LAMA5: variants seen among roughly 807,000 people sequenced by gnomAD.
LAMA5 encodes laminin subunit alpha 5, also known as laminin subunit alpha-5.
In LAMA5, 260 loss-of-function variants were observed where a neutral mutation model predicts 433.4. The observed-to-expected ratio is 0.60, with a 90% CI of 0.54 to 0.66. The LOEUF (loss-of-function observed/expected upper bound fraction) is 0.66. Among genes scored for constraint, LAMA5 ranks in the 30% least tolerant of loss-of-function variants. The pLI is 0.00. For missense variants in LAMA5, 5,378 were observed against 5,258.5 expected (o/e 1.02, Z -0.70); for synonymous variants, 2,620 against 2,226.6 (o/e 1.18, Z -4.97).
chr20:62,346,359 G>A, intron 9 of LAMA5, 144 bp from the exon 10 acceptor site: 1 of 1,366,502 alleles, frequency 7.3e-7, no homozygotes, highest in South Asian at 1.4e-5. Context: ...TGAGGGCTGG[G>A]GACCCGCCCC....
chr20:62,340,932 G>A (rs1293305753), intron 11 of LAMA5, among the ~76,000 whole-genome samples: 2 of 151,884 alleles, frequency 1.3e-5, no homozygotes, highest in South Asian at 2.1e-4. Context: ...CCAGCTACTC[G>A]GGAGGCTGAG....
At position 62,320,564 on chromosome 20, in the gene LAMA5, C is replaced by G; in HGVS notation, c.6754G>C (p.Gly2252Arg). The G allele has an allele frequency of 6.3e-7, 1 of 1,592,428 alleles. No homozygotes were observed. The highest frequency in any genetic ancestry group is 2.3e-5 in the East Asian group (1 of 44,382). The stretch of plus-strand genomic sequence containing the variant: ...GGGGGTCTTGGGGCTCCTGCCTGGC[C>G]GCCTAGCCGCCGTGCGTCCTGCCCG... ...SLGQDARRLG[G>R]QAVGTRDQAS... The change falls in exon 50 of 80, where the codon GGC becomes CGC. Residue 2252 changes from glycine (G) to arginine (R), a missense_variant. Coordinates refer to ENST00000252999, the MANE Select transcript of LAMA5 (RefSeq NM_005560.6).
rs374710815 is a variant in LAMA5 at position 62,328,394 on chromosome 20, C to G, written c.4499G>C (p.Cys1500Ser). ...LCDELTGQCI[C>S]PPRTIPPDCL... is the part of the protein sequence containing the mutation. ...GTCGGGCGGGATGGTGCGTGGCGGG[C>G]AGATGCACTGGCCCGTGAGCTCGTC... The change falls in exon 35 of 80, where the codon TGC becomes TCC. Residue 1500 changes from cysteine (C) to serine (S), a missense_variant. Transcript: ENST00000252999. 2.1e-5 allele frequency: 32 copies of G among 1,554,414 alleles called. No homozygotes were observed. Among genetic ancestry groups the G allele is most frequent in the Non-Finnish European group, 2.8e-5 (32 of 1,148,516 alleles).
Position 62,312,184 on chromosome 20 carries a change from GGTA to G in LAMA5, c.9490_9492del (p.Tyr3164del). 2.5e-6 allele frequency: 4 copies of G among 1,610,504 alleles called. No individual in the cohort carries two copies. The highest frequency in any genetic ancestry group is 3.4e-6 in the Non-Finnish European group (4 of 1,179,170). On this transcript the variant is annotated inframe_deletion, in exon 69 of 80. Transcript: ENST00000252999. Reference sequence around the variant, plus strand: ...GTGTGAGGTCTCACCGGGGACGCCCGGTAGTAGAGCAGGGCACTGTCCTGGGCG... The same window carrying G: ...GTGTGAGGTCTCACCGGGGACGCCCGGTAGAGCAGGGCACTGTCCTGGGCG...
chr20:62,310,394 G>C (rs770795823), intron 76 of LAMA5, 25 bp downstream of exon 76: 4 of 1,583,020 alleles, frequency 2.5e-6, no homozygotes, highest in Non-Finnish European at 3.4e-6. Context: ...CCCTGCTGAG[G>C]CCTGGGATGC....
Position 62,319,713 on chromosome 20 carries a change from G to C in LAMA5, c.6842C>G (p.Ala2281Gly). 1 of 1,546,270 alleles carries C rather than the reference G, an allele frequency of 6.5e-7. No individual in the cohort carries two copies. Among genetic ancestry groups the C allele is most frequent in the Middle Eastern group, 1.7e-4 (1 of 5,928 alleles). ...TLGHAKTLLA[A>G]IRAVDRTLSE... The stretch of plus-strand genomic sequence containing the variant: ...CAGGGTGCGGTCCACAGCCCGGATG[G>C]CCGCCAACAGCGTCTTCGCATGGCC... Residue 2281 changes from alanine to glycine, a missense_variant, in exon 51 of 80, where the codon GCC becomes GGC. Transcript: ENST00000252999.
Position 62,324,089 on chromosome 20 carries a change from G to A in LAMA5, c.5759C>T (p.Pro1920Leu), listed in dbSNP as rs1430965522. ...CVSCPCPLSV[P>L]SNNFAEGCVL... ...GAGGAGGCTGGCTTACTTGTTGGAA[G>A]GCACTGAGAGGGGGCAGGGGCAGCT... is the stretch of plus-strand genomic sequence containing the variant. The change falls in exon 43 of 80, where the codon CCT becomes CTT. Residue 1920 changes from proline (P) to leucine (L), a missense_variant. Coordinates refer to ENST00000252999, the MANE Select transcript of LAMA5 (RefSeq NM_005560.6). The surrounding 1 kb of genome is among the most constrained non-coding windows in gnomAD (Gnocchi z 4.4). 7.3e-6 allele frequency: 11 copies of A among 1,510,678 alleles called. No individual in the cohort carries two copies. Among genetic ancestry groups the A allele is most frequent in the Non-Finnish European group, 9.7e-6 (11 of 1,131,528 alleles). The allele number at this position is 1,510,678 out of a possible 1,614,324, so 93.6% of individuals were successfully genotyped here.
At chr20:62,339,813 G>A (rs139810405) in intron 11 of LAMA5, among the ~76,000 whole-genome samples, 10 of 152,318 alleles carry the variant, frequency 6.6e-5, no homozygotes, top group Middle Eastern at 3.4e-3. Flanking sequence ...CAGAAAAGGA[G>A]AAATGATACA....
chr20:62,317,159 G>A (rs1227708766), intron 55 of LAMA5, 136 bp from the exon 56 acceptor site: 4 of 1,203,456 alleles, frequency 3.3e-6, no homozygotes, highest in Non-Finnish European at 4.5e-6. Context: ...GCCCGTGCCT[G>A]TCGCCTGCTG....
intron 76 of LAMA5, 28 bp downstream of exon 76, chr20:62,310,391 G>T: frequency 6.3e-7 from 1 of 1,579,652 alleles, no homozygotes. Context: ...CTGCCCTGCT[G>T]AGGCCTGGGA....
At position 62,310,163 on chromosome 20, in the gene LAMA5, C is replaced by G. The variant is rs199674421; in HGVS notation, c.10734+15G>C. 5.0e-6 allele frequency: 8 copies of G among 1,612,254 alleles called. No individual in the cohort carries two copies. In the East Asian group the frequency reaches 8.9e-5, roughly 18 times the overall value. ...GGCAAACCCTGCCCTGGCACGCCAC[C>G]TCTGCCAGGCTTACTTGCTTCTCGG... On this transcript the variant is annotated intron_variant, in intron 77 of 79. Transcript: ENST00000252999.
At chr20:62,321,538 C>CGACAGTGGAGGAAGAGGGG (rs1987770580) in intron 48 of LAMA5, among the ~76,000 whole-genome samples, 1 of 44,534 alleles carries the variant, frequency 2.2e-5, no homozygotes, top group African/African-American at 1.3e-4. Context: ...GAAAGGGTGG[C>CGACAGTGGAGGAAGAGGGG]GCCAGTGGAG....
chr20:62,355,026 C>T (rs892347285), intron 2 of LAMA5, among the ~76,000 whole-genome samples: 1 of 152,230 alleles, frequency 6.6e-6, no homozygotes, highest in Non-Finnish European at 1.5e-5. Context: ...CCGGCCCACA[C>T]CTCCCCTGAC....
intron 79 of LAMA5, 85 bp from the exon 80 acceptor site, chr20:62,309,560 C>G: frequency 1.9e-6 from 2 of 1,057,032 alleles, no homozygotes; most frequent in South Asian, 1.7e-5. Context: ...GTGCCCCACC[C>G]AGCCCCTGTC....
chr20:62,311,554 G>C lies in LAMA5; in HGVS notation c.9807-18C>G. Reference sequence around the variant, plus strand: ...CCAGGAGCCTGTGCAGGGCGGGCAGGCGGTCAGCAGCTGCGGAAGGCCAGC... The same window carrying C: ...CCAGGAGCCTGTGCAGGGCGGGCAGCCGGTCAGCAGCTGCGGAAGGCCAGC... On this transcript the variant is annotated intron_variant, in intron 71 of 79. Transcript: ENST00000252999. 1 of 1,609,430 alleles carries C rather than the reference G, an allele frequency of 6.2e-7. No individual in the cohort carries two copies. The highest frequency in any genetic ancestry group is 8.5e-7 in the Non-Finnish European group (1 of 1,178,014).
At chr20:62,330,670 G>C in intron 30 of LAMA5, 56 bp from the exon 31 acceptor site, 1 of 1,562,230 alleles carries the variant, frequency 6.4e-7, no homozygotes, top group South Asian at 1.2e-5. Flanking sequence ...CTGCCCCCTG[G>C]ACAACCTGCC....
chr20:62,365,061 T>C (rs1315015352), intron 1 of LAMA5, among the ~76,000 whole-genome samples: 1 of 152,270 alleles, frequency 6.6e-6, no homozygotes, highest in Non-Finnish European at 1.5e-5. Context: ...TCCAAGGTCA[T>C]ACCCGTCCAG....
chr20:62,358,620 G>A (rs555586537), intron 2 of LAMA5, among the ~76,000 whole-genome samples: 2 of 152,262 alleles, frequency 1.3e-5, no homozygotes, highest in South Asian at 2.1e-4. Context: ...CCTCCGGCAG[G>A]TCCTCCTCCT....
chr20:62,352,421 T>C, intron 3 of LAMA5, 61 bp from the exon 4 acceptor site: 3 of 1,295,814 alleles, frequency 2.3e-6, no homozygotes, highest in Non-Finnish European at 3.3e-6. Flanking sequence ...GTCCCCGCGG[T>C]GCCCGGGCCC....
Sources: gnomAD v4.1 joint callset for allele counts (sites outside exome capture counted in the v4.1 genomes callset) on GRCh38, gnomAD v4.1.1 for gene constraint, Gnocchi (gnomAD v3.1) non-coding constraint, MANE v1.5 for transcripts, NCBI Gene and HGNC (gene_info 2026-07-23, HGNC 2026-07-21) for gene names.